Variants in BRINP1 observed in about 807,000 individuals in gnomAD.
The protein encoded by BRINP1 is BMP/retinoic acid inducible neural specific 1.
Under a neutral mutation model 72.9 loss-of-function variants are expected in BRINP1, and 17 were observed. The observed-to-expected ratio is 0.23, with a 90% CI of 0.16 to 0.35. BRINP1 has a LOEUF of 0.35. BRINP1 is among the 10% of genes least tolerant of loss of function. The pLI, the probability that BRINP1 is intolerant of heterozygous loss-of-function variation, is 1.00. For synonymous variants in BRINP1, 418 were observed against 378.5 expected (o/e 1.10, Z -1.21); for missense variants, 850 against 1,001.6 (o/e 0.85, Z 2.04).
At chr9:119,324,711 T>C (rs1831220528) in intron 1 of BRINP1, among the ~76,000 whole-genome samples, 1 of 152,250 alleles carries the variant, frequency 6.6e-6, no homozygotes, top group Admixed American at 6.5e-5. Context: ...AAAGTTAATA[T>C]GTGTAAATAA....
At chr9:119,367,221 G>GTGTGATATATATATATATATATATAT (rs1564259756) in intron 1 of BRINP1, among the ~76,000 whole-genome samples, 5 of 99,886 alleles carry the variant, frequency 5.0e-5, no homozygotes, top group Non-Finnish European at 7.6e-5. Context: ...GTGTGTGATT[G>GTGTGATATATATATATATATATATAT]ATATATATAT....
intron 2 of BRINP1, among the ~76,000 whole-genome samples, chr9:119,249,857 AGG>A (rs1564228562): frequency 6.5e-5 from 3 of 46,498 alleles, no homozygotes; most frequent in African/African-American, 3.5e-4. Context: ...GAAGGAAGGG[AGG>A]GAGGGAGGGA....
chr9:119,289,387 G>A (rs920411696), intron 2 of BRINP1, among the ~76,000 whole-genome samples: 8 of 152,198 alleles, frequency 5.3e-5, no homozygotes, highest in African/African-American at 1.7e-4. Context: ...TGGAGAAGAG[G>A]CAAAGCATGG....
At chr9:119,283,052 A>T (rs1201045180) in intron 2 of BRINP1, 2 of 985,342 alleles carry the variant, frequency 2.0e-6, no homozygotes, top group Non-Finnish European at 2.4e-6. Context: ...TTGACCAAGG[A>T]TACAGAGTTA....
chr9:119,310,515 G>T (rs1207843374), intron 2 of BRINP1, among the ~76,000 whole-genome samples: 2 of 152,170 alleles, frequency 1.3e-5, no homozygotes, highest in Non-Finnish European at 2.9e-5. Context: ...GTGTACAAAT[G>T]CAGGAGAAAG....
intron 1 of BRINP1, among the ~76,000 whole-genome samples, chr9:119,341,499 C>T (rs1253170027): frequency 1.3e-5 from 2 of 152,184 alleles, no homozygotes; most frequent in African/African-American, 4.8e-5. Flanking sequence ...AAGCAGGACA[C>T]TCTCCTGCAA....
chr9:119,290,487 G>A (rs984772649), intron 2 of BRINP1, among the ~76,000 whole-genome samples: 3 of 152,194 alleles, frequency 2.0e-5, no homozygotes, highest in African/African-American at 7.2e-5. Flanking sequence ...AGAGAACTCA[G>A]AAAGAGAAAC....
At chr9:119,205,768 T>C (rs1829847750) in intron 7 of BRINP1, among the ~76,000 whole-genome samples, 1 of 152,190 alleles carries the variant, frequency 6.6e-6, no homozygotes, top group Non-Finnish European at 1.5e-5. Flanking sequence ...CTAATGTCTT[T>C]GGGACCTTTG....
chr9:119,229,892 T>G (rs909888545), intron 5 of BRINP1, among the ~76,000 whole-genome samples: 1 of 152,120 alleles, frequency 6.6e-6, no homozygotes, highest in African/African-American at 2.4e-5. Flanking sequence ...GAGCAGTGTC[T>G]ATATATCAGT....
chr9:119,352,174 C>G (rs976818137), intron 1 of BRINP1, among the ~76,000 whole-genome samples: 1 of 152,138 alleles, frequency 6.6e-6, no homozygotes, highest in Non-Finnish European at 1.5e-5. Context: ...CCAAGAAGAA[C>G]TTTTATAATG....
intron 7 of BRINP1, among the ~76,000 whole-genome samples, chr9:119,171,011 C>T (rs1426270823): frequency 6.9e-6 from 1 of 145,364 alleles, no homozygotes; most frequent in Admixed American, 6.7e-5. Flanking sequence ...CAACCGGTAC[C>T]AGCCGCTGCA....
At chr9:119,178,937 C>T (rs1031723014) in intron 7 of BRINP1, among the ~76,000 whole-genome samples, 2 of 152,152 alleles carry the variant, frequency 1.3e-5, no homozygotes, top group Non-Finnish European at 2.9e-5. Context: ...TGTGAAGGGC[C>T]TATTATCACA....
At chr9:119,181,768 C>A (rs1216248367) in intron 7 of BRINP1, among the ~76,000 whole-genome samples, 1 of 151,956 alleles carries the variant, frequency 6.6e-6, no homozygotes, top group East Asian at 1.9e-4. Context: ...GAAGAAAGAG[C>A]TAACATGAGC....
chr9:119,341,956 C>T (rs1044903625), intron 1 of BRINP1, among the ~76,000 whole-genome samples: 13 of 151,940 alleles, frequency 8.6e-5, no homozygotes, highest in Admixed American at 1.3e-4. Context: ...TTAGTAGAGA[C>T]GGGGTTTTGC....
chr9:119,241,968 T>C (rs1588174710), intron 4 of BRINP1, 79 bp downstream of exon 4: 2 of 1,458,880 alleles, frequency 1.4e-6, no homozygotes, highest in Non-Finnish European at 1.9e-6. Context: ...ATTACATCTG[T>C]CCATCCACTC....
intron 1 of BRINP1, among the ~76,000 whole-genome samples, chr9:119,314,007 A>G (rs140026788): frequency 2.6e-5 from 4 of 152,356 alleles, no homozygotes; most frequent in African/African-American, 9.6e-5. Flanking sequence ...GTGATGGATT[A>G]TCATGACTAT....
intron 6 of BRINP1, 46 bp from the exon 7 acceptor site, chr9:119,208,987 A>G: frequency 1.3e-6 from 2 of 1,518,090 alleles, no homozygotes; most frequent in Non-Finnish European, 1.8e-6. Context: ...GCATGATAAC[A>G]CCCATCTAAA....
At position 119,214,031 on chromosome 9, in the gene BRINP1, G is replaced by C. The variant is rs61730119; in HGVS notation, c.810C>G (p.Ala270=). The C allele has an allele frequency of 1.2e-6, 2 of 1,614,060 alleles. No individual in the cohort carries two copies. Among genetic ancestry groups the C allele is most frequent in the Non-Finnish European group, 1.7e-6 (2 of 1,180,006 alleles). The part of the protein sequence containing the change: ...CQNSQCRCQC[A]EEFPQCNCPI... ...GGCAGTTGCACTGCGGAAACTCCTC[G>C]GCACATTGGCAGCGACACTGGCTGT... The change falls in exon 6 of 8, where the codon GCC becomes GCG. Residue 270 remains alanine, a synonymous_variant. Transcript: ENST00000265922.
chr9:119,288,078 G>T (rs1422038758), intron 2 of BRINP1, among the ~76,000 whole-genome samples: 1 of 152,210 alleles, frequency 6.6e-6, no homozygotes, highest in African/African-American at 2.4e-5. Flanking sequence ...GCCTTTGGAG[G>T]AAGGTTTAGA....
Sources: allele counts gnomAD v4.1 joint callset (sites outside exome capture counted in the v4.1 genomes callset), GRCh38; gene constraint gnomAD v4.1.1; transcripts MANE v1.5; gene names NCBI Gene and HGNC (gene_info 2026-07-23, HGNC 2026-07-21).